Variants in AGMO observed in about 807,000 individuals in gnomAD.
The protein encoded by AGMO is alkylglycerol monooxygenase, also known as glyceryl-ether monooxygenase.
In AGMO, 75 loss-of-function variants were observed where a neutral mutation model predicts 60.2. The ratio of observed to expected loss-of-function variants is 1.25; its 90% CI spans 1.03 to 1.51. The LOEUF is 1.51. AGMO is among the 40% of genes most tolerant of loss of function. The probability of loss-of-function intolerance (pLI) is 0.00; values close to 1 mark genes in which losing one functional copy is unlikely to be tolerated. For missense variants in AGMO, 763 were observed against 525.5 expected (o/e 1.45, Z -4.42); for synonymous variants, 261 against 177.1 (o/e 1.47, Z -3.76).
intron 5 of AGMO, among the ~76,000 whole-genome samples, chr7:15,414,294 C>G (rs1034724571): frequency 6.6e-6 from 1 of 151,956 alleles, no homozygotes; most frequent in Non-Finnish European, 1.5e-5. Flanking sequence ...CCAGTGCACC[C>G]GGCCGTATTT....
intron 5 of AGMO, among the ~76,000 whole-genome samples, chr7:15,415,746 A>G (rs917117462): frequency 6.6e-6 from 1 of 152,106 alleles, no homozygotes; most frequent in Admixed American, 6.5e-5. Flanking sequence ...CTAACACCCA[A>G]ATAACACCTG....
rs116657142 is a variant in AGMO, at chr7:15,438,112, G to A, written c.410-7004C>T. Among the ~76,000 whole-genome samples, 1,220 of 152,106 alleles carry A rather than the reference G, an allele frequency of 8.0e-3. 16 individuals are homozygous for A. Among genetic ancestry groups the A allele is most frequent in the African/African-American group, 0.028 (1,150 of 41,500 alleles). On this transcript the variant is annotated intron_variant, in intron 3 of 12. Coordinates refer to ENST00000342526, the MANE Select transcript of AGMO (RefSeq NM_001004320.2). ...AAATAAAACGATAGATTTTTAGTAC[G>A]AAGTAAAAAGTACCTTAAGAATTTA...
intron 12 of AGMO, among the ~76,000 whole-genome samples, chr7:15,361,096 T>C (rs1353209771): frequency 2.0e-5 from 3 of 152,098 alleles, no homozygotes; most frequent in African/African-American, 4.8e-5. Context: ...ATAGGAGCCA[T>C]AGGACACTGC....
At chr7:15,501,251 C>T (rs6971193) in intron 3 of AGMO, among the ~76,000 whole-genome samples, 7,900 of 151,872 alleles carry the variant, frequency 0.052, 293 homozygotes, top group African/African-American at 0.1. Context: ...AATAATCTGC[C>T]TTCATTATCT....
At chr7:15,348,457 G>A (rs1563101209) in intron 12 of AGMO, among the ~76,000 whole-genome samples, 1 of 152,060 alleles carries the variant, frequency 6.6e-6, no homozygotes, top group African/African-American at 2.4e-5. Flanking sequence ...TCAAATGAAA[G>A]AAAGTTGTAT....
chr7:15,313,185 C>A (rs889197411), intron 12 of AGMO, among the ~76,000 whole-genome samples: 3 of 152,090 alleles, frequency 2.0e-5, no homozygotes, highest in Non-Finnish European at 2.9e-5. Context: ...TGTTTTGTAA[C>A]AATAAAGGCA....
chr7:15,164,597 A>G, the AGMO span, among the ~76,000 whole-genome samples: 3 of 152,080 alleles, frequency 2.0e-5, no homozygotes, highest in Non-Finnish European at 4.4e-5. Context: ...AAGACAGACA[A>G]GCAGCCAACA....
intron 12 of AGMO, among the ~76,000 whole-genome samples, chr7:15,334,533 A>AT (rs1404560604): frequency 4.6e-5 from 7 of 152,262 alleles, no homozygotes; most frequent in Middle Eastern, 3.4e-3. Flanking sequence ...CTTCATCAGA[A>AT]TATCTGTTAG....
chr7:15,352,943 C>T (rs1424265547), intron 12 of AGMO, among the ~76,000 whole-genome samples: 1 of 152,004 alleles, frequency 6.6e-6, no homozygotes, highest in Non-Finnish European at 1.5e-5. Context: ...GCATATATTT[C>T]AAACGCAGCG....
intron 3 of AGMO, among the ~76,000 whole-genome samples, chr7:15,481,100 T>A (rs28664595): frequency 6.6e-6 from 1 of 151,724 alleles, no homozygotes; most frequent in African/African-American, 2.4e-5. Context: ...ACCACAGAAC[T>A]GTGGGCTGAA....
chr7:15,339,813 T>C (rs747009215), intron 12 of AGMO, among the ~76,000 whole-genome samples: 1 of 152,172 alleles, frequency 6.6e-6, no homozygotes, highest in Non-Finnish European at 1.5e-5. Flanking sequence ...AATGAAAGCA[T>C]GATATTTCTA....
chr7:15,281,953 T>G lies in AGMO; in HGVS notation c.1264-80594A>C, dbSNP rs535704589. Among the ~76,000 whole-genome samples the G allele has an allele frequency of 2.8e-4, 43 of 152,202 alleles. 2 individuals carry two copies. The South Asian group carries it at 8.3e-3, about 29-fold the overall frequency. ...AAAGCTACTACAAAAAGGCCCTCTA[T>G]AGCCTAGGAACCCATACAGGGTCTT... On this transcript the variant is annotated intron_variant, in intron 12 of 12. Transcript: ENST00000342526.
intron 12 of AGMO, among the ~76,000 whole-genome samples, chr7:15,354,502 A>ACGCGTGTG (rs1201404672): frequency 1.4e-4 from 3 of 21,132 alleles, no homozygotes; most frequent in African/African-American, 3.3e-4. Context: ...ACGTGTATAT[A>ACGCGTGTG]TATATATATA....
the AGMO span, among the ~76,000 whole-genome samples, chr7:15,151,695 T>TAA: frequency 6.6e-6 from 1 of 152,158 alleles, no homozygotes; most frequent in African/African-American, 2.4e-5. Flanking sequence ...TGGGTCTTTT[T>TAA]AAAAATCTGT....
intron 12 of AGMO, among the ~76,000 whole-genome samples, chr7:15,347,027 T>G (rs930871369): frequency 5.3e-5 from 8 of 152,058 alleles, no homozygotes; most frequent in African/African-American, 1.9e-4. Flanking sequence ...CTATATCCAT[T>G]TGAATATAAG....
At chr7:15,348,675 AAT>A (rs1218958404) in intron 12 of AGMO, among the ~76,000 whole-genome samples, 1 of 152,074 alleles carries the variant, frequency 6.6e-6, no homozygotes. Context: ...ACTAGAAATA[AAT>A]ATGAGTATAG....
intron 12 of AGMO, among the ~76,000 whole-genome samples, chr7:15,251,203 C>T (rs1274532726): frequency 1.3e-5 from 2 of 152,028 alleles, no homozygotes; most frequent in African/African-American, 4.8e-5. Context: ...GGCCCTGTTT[C>T]TTTGTCCATA....
At chr7:15,454,036 A>G (rs1005730466) in intron 3 of AGMO, among the ~76,000 whole-genome samples, 3 of 148,872 alleles carry the variant, frequency 2.0e-5, no homozygotes, top group Admixed American at 6.7e-5. Flanking sequence ...TATTTTTTAT[A>G]TATATATACC....
intron 3 of AGMO, among the ~76,000 whole-genome samples, chr7:15,496,702 C>T (rs1036114895): frequency 4.6e-5 from 7 of 152,088 alleles, no homozygotes; most frequent in Admixed American, 3.9e-4. Context: ...ATTTTGTCAA[C>T]TTTTCTGGTT....
Sources: gnomAD v4.1 joint callset for allele counts (sites outside exome capture counted in the v4.1 genomes callset) on GRCh38, gnomAD v4.1.1 for gene constraint, MANE v1.5 for transcripts, NCBI Gene and HGNC (gene_info 2026-07-23, HGNC 2026-07-21) for gene names.